The following TGFB1 variants were observed in gnomAD, a reference collection of about 807,000 sequenced individuals.
TGFB1 encodes transforming growth factor beta 1.
TGFB1 carries 19 observed loss-of-function variants against 43.8 expected under a neutral mutation model. That is an observed-to-expected ratio of 0.43 (90% confidence interval 0.30 to 0.64). The LOEUF (loss-of-function observed/expected upper bound fraction) is 0.64, where lower values mean the gene tolerates loss of function less well. Among genes scored for constraint, TGFB1 ranks in the 30% least tolerant of loss-of-function variants. The pLI, the probability that TGFB1 is intolerant of heterozygous loss-of-function variation, is 0.11. For synonymous variants in TGFB1, 221 were observed against 236.3 expected (o/e 0.94, Z 0.60); for missense variants, 445 against 529.8 (o/e 0.84, Z 1.57).
Position 41,353,078 on chromosome 19 carries a change from C to A in TGFB1, c.-34G>T, listed in dbSNP as rs151118561. On this transcript the variant is annotated 5_prime_UTR_variant, in exon 1 of 7. Transcript: ENST00000221930. The surrounding 1 kb of genome is among the most constrained non-coding windows in gnomAD (Gnocchi z 5.9). ...CGGCGCCCCCCGGCACTGCCGAGAG[C>A]GCGAACAGGGCTGGTGTGGTGGGGA... 5.7e-5 allele frequency: 86 copies of A among 1,499,840 alleles called. 1 individual carries two copies. The African/African-American group carries it at 9.2e-4, about 16-fold the overall frequency. 92.9% of individuals were successfully genotyped at this position (1,499,840 alleles called of 1,614,324 possible). A position where few individuals can be genotyped will look rare whatever the true frequency, so the allele number is the denominator to read the frequency against.
chr19:41,349,390 GGGAAATTA>G (rs2038155929), intron 1 of TGFB1, among the ~76,000 whole-genome samples: 1 of 152,146 alleles, frequency 6.6e-6, no homozygotes, highest in Non-Finnish European at 1.5e-5. Context: ...GTATTATAGT[GGGAAATTA>G]GATGACCCAG....
At position 41,330,987 on chromosome 19, in the gene TGFB1, A is replaced by C; in HGVS notation, c.*65T>G. 1 of 1,339,276 alleles carries C rather than the reference A, an allele frequency of 7.5e-7. No homozygotes were observed. The highest frequency in any genetic ancestry group is 9.7e-7 in the Non-Finnish European group (1 of 1,034,658). The allele number at this position is 1,339,276 out of a possible 1,614,324, so 83.0% of individuals were successfully genotyped here. On this transcript the variant is annotated 3_prime_UTR_variant, in exon 7 of 7. Transcript: ENST00000221930. ...GTCCTTAAATACAGCCCCCATGGGC[A>C]AGGCAGCGGGGGCGGGGCGGGGTGG...
rs778711968 is a variant in TGFB1, at chr19:41,341,904, A to G, written c.839T>C (p.Leu280Pro). ...HLQSSRHRRA[L>P]DTNYCFSSTE... ...TCACCTGAAGCAATAGTTGGTGTCC[A>G]GGGCTCGGCGGTGCCGGGAGCTTTG... is the stretch of plus-strand genomic sequence containing the variant. Residue 280 changes from leucine to proline, a missense_variant, in exon 5 of 7, where the codon CTG becomes CCG. Physicochemically the swap from Leu to Pro is moderately conservative, Grantham distance 98. Transcript: ENST00000221930. 2 of 1,613,864 alleles carry G rather than the reference A, an allele frequency of 1.2e-6. No individual in the cohort carries two copies. Among genetic ancestry groups the G allele is most frequent in the South Asian group, 2.2e-5 (2 of 91,070 alleles).
At position 41,331,214 on chromosome 19, in the gene TGFB1, C is replaced by T. The variant is rs2037926558; in HGVS notation, c.1015-4G>A. 4 of 1,510,408 alleles carry T rather than the reference C, an allele frequency of 2.6e-6. No homozygotes were observed. Among genetic ancestry groups the T allele is most frequent in the Non-Finnish European group, 3.5e-6 (4 of 1,129,426 alleles). 93.6% of individuals were successfully genotyped at this position (1,510,408 alleles called of 1,614,324 possible). On this transcript the variant is annotated splice_region_variant and splice_polypyrimidine_tract_variant and intron_variant, in intron 6 of 6. Coordinates refer to ENST00000221930, the MANE Select transcript of TGFB1 (RefSeq NM_000660.7). ...GCTGGTTGTACAGGGCCAGGACCTG[C>T]GGGCGGCGGGCGGGGTCAGGGCTCA...
Position 41,330,943 on chromosome 19 carries a change from G to A in TGFB1, c.*109C>T. 4 of 1,081,232 alleles carry A rather than the reference G, an allele frequency of 3.7e-6. No homozygotes were observed. The highest frequency in any genetic ancestry group is 3.0e-5 in the East Asian group (1 of 32,856). The allele number at this position is 1,081,232 out of a possible 1,614,324, so 67.0% of individuals were successfully genotyped here. A position where few individuals can be genotyped will look rare whatever the true frequency, so the allele number is the denominator to read the frequency against. On this transcript the variant is annotated 3_prime_UTR_variant, in exon 7 of 7. Transcript: ENST00000221930. ...CTCTCCATCTTTAATGGGGCCCCAGGTGGGCTTGGGGCACGGGTGTCCTTA... is the reference window on the plus strand; with the variant it reads ...CTCTCCATCTTTAATGGGGCCCCAGATGGGCTTGGGGCACGGGTGTCCTTA...
At position 41,332,132 on chromosome 19, in the gene TGFB1, C is replaced by G. The variant is rs199699574; in HGVS notation, c.1010G>C (p.Ser337Thr). The G allele has an allele frequency of 2.9e-4, 472 of 1,613,702 alleles. 5 individuals are homozygous for G. The Middle Eastern group carries it at 5.3e-3, about 18-fold the overall frequency. The change falls in exon 6 of 7, where the codon AGC becomes ACC. Residue 337 changes from serine (S) to threonine (T), a missense_variant. By Grantham distance (58) the Ser-to-Thr change is moderately conservative (BLOSUM62 1). This residue lies in a region of TGFB1 where 23 missense variants were observed against 54.1 expected (regional missense o/e 0.42). Transcript: ENST00000221930. ...AGCCCGGTGGGCCAGACGTACCTTG[C>G]TGTACTGCGTGTCCAGGCTCCAAAT... ...PYIWSLDTQY[S>T]KVLALYNQHN... is the part of the protein sequence containing the mutation.
At position 41,330,567 on chromosome 19, in the gene TGFB1, T is replaced by TC. The variant is rs912960192; in HGVS notation, c.*484dup. On this transcript the variant is annotated 3_prime_UTR_variant, in exon 7 of 7. Coordinates refer to ENST00000221930, the MANE Select transcript of TGFB1 (RefSeq NM_000660.7). ...CTATCTTTTATTGTCTTCTTCACTA[T>TC]CCCCCACTAAAGCAGGTTCCTGGTG... 3 of 153,960 alleles carry TC rather than the reference T, an allele frequency of 1.9e-5. No homozygotes were observed. Among genetic ancestry groups the TC allele is most frequent in the African/African-American group, 7.2e-5 (3 of 41,416 alleles). The allele number at this position is 153,960 out of a possible 1,614,324, so 9.5% of individuals were successfully genotyped here.
At position 41,352,832 on chromosome 19, in the gene TGFB1, G is replaced by A. The variant is rs1460027515; in HGVS notation, c.213C>T (p.Gly71=). The change falls in exon 1 of 7, where the codon GGC becomes GGT. Residue 71 remains glycine, a synonymous_variant. Transcript: ENST00000221930. ...GGGCGAGCACGGCCTCGGGCAGCGGGCCGGGCGGCACCTCCCCCTGGCTCG... is the reference window on the plus strand; with the variant it reads ...GGGCGAGCACGGCCTCGGGCAGCGGACCGGGCGGCACCTCCCCCTGGCTCG... ...SPPSQGEVPP[G]PLPEAVLALY... 3 of 1,580,294 alleles carry A rather than the reference G, an allele frequency of 1.9e-6. No individual in the cohort carries two copies. Among genetic ancestry groups the A allele is most frequent in the Admixed American group, 1.9e-5 (1 of 53,954 alleles).
intron 3 of TGFB1, among the ~76,000 whole-genome samples, chr19:41,344,141 C>A (rs1356437613): frequency 6.6e-6 from 1 of 151,996 alleles, no homozygotes; most frequent in Non-Finnish European, 1.5e-5. Flanking sequence ...TAACAGCATG[C>A]ATGGCTAATT....
chr19:41,333,114 G>A (rs2037951840), intron 5 of TGFB1, among the ~76,000 whole-genome samples: 1 of 151,768 alleles, frequency 6.6e-6, no homozygotes, highest in Admixed American at 6.6e-5. Context: ...CTTATTTCGG[G>A]GCTCCTGCAT....
At chr19:41,350,663 G>A (rs1293145910) in intron 1 of TGFB1, among the ~76,000 whole-genome samples, 1 of 152,228 alleles carries the variant, frequency 6.6e-6, no homozygotes, top group African/African-American at 2.4e-5. Flanking sequence ...AACAGGCCAT[G>A]AACTGCTGGA....
intron 5 of TGFB1, among the ~76,000 whole-genome samples, chr19:41,334,682 G>A (rs1056832940): frequency 1.3e-5 from 2 of 151,846 alleles, no homozygotes; most frequent in African/African-American, 4.8e-5. Flanking sequence ...GGAGTCTGAG[G>A]CAGGAGAATC....
At chr19:41,335,611 T>C (rs1467834577) in intron 5 of TGFB1, among the ~76,000 whole-genome samples, 4 of 152,212 alleles carry the variant, frequency 2.6e-5, no homozygotes, top group African/African-American at 4.8e-5. Context: ...GACTCATTTT[T>C]TCAGCACACA....
rs59416536 is a variant in TGFB1, at chr19:41,348,575, TTTTATTTATTTATTTA to T, written c.356-136_356-121del. The T allele has an allele frequency of 1.6e-3, 467 of 286,304 alleles. 5 individuals carry two copies. Among genetic ancestry groups the T allele is most frequent in the Middle Eastern group, 8.5e-3 (6 of 708 alleles). The allele number at this position is 286,304 out of a possible 1,614,324, so 17.7% of individuals were successfully genotyped here. A position where few individuals can be genotyped will look rare whatever the true frequency, so the allele number is the denominator to read the frequency against. ...TGGGGTGGAGTCAGTCTCTGATACC[TTTTATTTATTTATTTA>T]TTTATTTATTTATTTATTTATTTAT... On this transcript the variant is annotated intron_variant, in intron 1 of 6. Coordinates refer to ENST00000221930, the MANE Select transcript of TGFB1 (RefSeq NM_000660.7).
At position 41,352,801 on chromosome 19, in the gene TGFB1, T is replaced by A. The variant is rs1411294450; in HGVS notation, c.244A>T (p.Asn82Tyr). ...CCGGCCACCCGGTCGCGGGTGCTGT[T>A]GTACAGGGCGAGCACGGCCTCGGGC... ...PLPEAVLALY[N>Y]STRDRVAGES... Residue 82 changes from asparagine to tyrosine, a missense_variant, in exon 1 of 7, where the codon AAC (asparagine) becomes TAC (tyrosine). Coordinates refer to ENST00000221930, the MANE Select transcript of TGFB1 (RefSeq NM_000660.7). 1 of 1,608,432 alleles carries A rather than the reference T, an allele frequency of 6.2e-7. No individual in the cohort carries two copies. The highest frequency in any genetic ancestry group is 8.5e-7 in the Non-Finnish European group (1 of 1,177,258).
At chr19:41,334,096 C>T (rs529421235) in intron 5 of TGFB1, among the ~76,000 whole-genome samples, 2 of 152,304 alleles carry the variant, frequency 1.3e-5, no homozygotes, top group Admixed American at 6.5e-5. Flanking sequence ...TCAAAGAGGC[C>T]GGGTGCAGTG....
chr19:41,336,725 G>A (rs1168547454), intron 5 of TGFB1, among the ~76,000 whole-genome samples: 2 of 151,996 alleles, frequency 1.3e-5, no homozygotes, highest in Non-Finnish European at 1.5e-5. Context: ...GCAATCCACC[G>A]TGTTGCTTCA....
At position 41,330,958 on chromosome 19, in the gene TGFB1, G is replaced by A. The variant is rs2037921861; in HGVS notation, c.*94C>T. On this transcript the variant is annotated 3_prime_UTR_variant, in exon 7 of 7. Coordinates refer to ENST00000221930, the MANE Select transcript of TGFB1 (RefSeq NM_000660.7). Reference sequence around the variant, plus strand: ...GGGGCCCCAGGTGGGCTTGGGGCACGGGTGTCCTTAAATACAGCCCCCATG... The same window carrying A: ...GGGGCCCCAGGTGGGCTTGGGGCACAGGTGTCCTTAAATACAGCCCCCATG... The A allele has an allele frequency of 3.3e-6, 4 of 1,219,798 alleles. No individual in the cohort carries two copies. In the South Asian group the frequency reaches 6.5e-5, roughly 20 times the overall value. 75.6% of individuals were successfully genotyped at this position (1,219,798 alleles called of 1,614,324 possible). A position where few individuals can be genotyped will look rare whatever the true frequency, so the allele number is the denominator to read the frequency against.
chr19:41,348,257 G>GC, intron 2 of TGFB1, 38 bp downstream of exon 2: 1 of 1,609,010 alleles, frequency 6.2e-7, no homozygotes, highest in South Asian at 1.1e-5. Flanking sequence ...ACCCTCTCCA[G>GC]CCCATGCCCT....
Sources: allele counts gnomAD v4.1 joint callset (sites outside exome capture counted in the v4.1 genomes callset), GRCh38; gene constraint gnomAD v4.1.1; regional missense constraint gnomAD v4.1.1; non-coding constraint Gnocchi (gnomAD v3.1); transcripts MANE v1.5; gene names NCBI Gene and HGNC (gene_info 2026-07-23, HGNC 2026-07-21).